The following EYS variants were observed in gnomAD, a reference collection of about 807,000 sequenced individuals.
The protein encoded by EYS is EGF-like photoreceptor maintenance factor.
Under a neutral mutation model 282.1 loss-of-function variants are expected in EYS, and 250 were observed. The observed-to-expected ratio is 0.89, with a 90% confidence interval of 0.80 to 0.98. The LOEUF is 0.98. Ranked by LOEUF, EYS falls within the 50% of genes least tolerant of loss-of-function variation. The pLI, the probability that EYS is intolerant of heterozygous loss-of-function variation, is 0.00. For missense variants in EYS, 4,016 were observed against 3,709.0 expected (o/e 1.08, Z -2.15); for synonymous variants, 1,355 against 1,282.9 (o/e 1.06, Z -1.20).
At position 64,820,907 on chromosome 6, in the gene EYS, G is replaced by A. The variant is rs941084115; in HGVS notation, c.3243+738C>T. On this transcript the variant is annotated intron_variant, in intron 21 of 42. Transcript: ENST00000503581. ...GTATAGCTATGTTTTACTGACGAGGGAGAGAGACACAAAGAATGTAATAAA... is the reference window on the plus strand; with the variant it reads ...GTATAGCTATGTTTTACTGACGAGGAAGAGAGACACAAAGAATGTAATAAA... 4.6e-5 allele frequency among the ~76,000 whole-genome samples: 7 copies of A among 151,942 alleles called. No homozygotes were observed. The East Asian group carries it at 1.4e-3, about 29-fold the overall frequency.
Position 64,857,538 on chromosome 6 carries a change from G to A in EYS, c.2992+29159C>T, listed in dbSNP as rs115651317. On this transcript the variant is annotated intron_variant, in intron 19 of 42. Coordinates refer to ENST00000503581, the MANE Select transcript of EYS (RefSeq NM_001142800.2). ...AAGACTTAGGTTGAGTCCATATTTT[G>A]TCTATCATGAATAATGCTGAAATGA... 5.1e-4 allele frequency among the ~76,000 whole-genome samples: 77 copies of A among 152,210 alleles called. 1 individual carries two copies. Among genetic ancestry groups the A allele is most frequent in the African/African-American group, 1.8e-3 (74 of 41,548 alleles).
rs528440280 is a variant in EYS, at chr6:65,477,051, A to T, written c.862+13543T>A. On this transcript the variant is annotated intron_variant, in intron 5 of 42. Coordinates refer to ENST00000503581, the MANE Select transcript of EYS (RefSeq NM_001142800.2). ...ATGATGACACTTTAATAATTATGGT[A>T]TTGTGCTTTTATAGCCAGCTTCTAA... 2.6e-4 allele frequency among the ~76,000 whole-genome samples: 40 copies of T among 152,316 alleles called. No individual in the cohort carries two copies. The East Asian group carries it at 7.7e-3, about 29-fold the overall frequency.
chr6:64,403,082 T>C (rs1773589475), intron 28 of EYS, among the ~76,000 whole-genome samples: 2 of 152,076 alleles, frequency 1.3e-5, no homozygotes, highest in African/African-American at 4.8e-5. Context: ...AATACTAAGA[T>C]CATTGAAAAT....
chr6:65,425,864 T>C (rs760293125), intron 5 of EYS, among the ~76,000 whole-genome samples: 8 of 152,086 alleles, frequency 5.3e-5, no homozygotes, highest in Non-Finnish European at 1.0e-4. Flanking sequence ...TCTCTAGAAG[T>C]GATGGCAGAA....
At chr6:63,875,862 T>C (rs971160397) in intron 35 of EYS, among the ~76,000 whole-genome samples, 10 of 152,170 alleles carry the variant, frequency 6.6e-5, no homozygotes, top group African/African-American at 2.4e-4. Flanking sequence ...TCTTCTCTCT[T>C]TTCTTCTTTG....
chr6:63,864,485 AC>A (rs1772624229), intron 35 of EYS, 127 bp from the exon 36 acceptor site: 1 of 531,734 alleles, frequency 1.9e-6, no homozygotes, highest in Non-Finnish European at 2.7e-6. Context: ...CTAATAAGTG[AC>A]TTTTTTCTCC....
rs144800801 is a variant in EYS, at chr6:65,005,183, C to G, written c.2138-7480G>C. Among the ~76,000 whole-genome samples the G allele has an allele frequency of 1.3e-3, 197 of 147,962 alleles. 5 individuals carry two copies. The highest frequency in any genetic ancestry group is 4.6e-3 in the African/African-American group (189 of 41,282). On this transcript the variant is annotated intron_variant, in intron 13 of 42. Transcript: ENST00000503581. The stretch of plus-strand genomic sequence containing the variant: ...ATCCCTTGAGATCTGGCAGGATGTC[C>G]GCTGTGCTCCTGATCCAGCGAGGCG...
chr6:64,286,363 G>C (rs1424979776), intron 30 of EYS, among the ~76,000 whole-genome samples: 1 of 152,076 alleles, frequency 6.6e-6, no homozygotes, highest in East Asian at 1.9e-4. Flanking sequence ...TTAATACAAT[G>C]GTACCTGGTT....
chr6:65,437,522 G>C (rs945708289), intron 5 of EYS, among the ~76,000 whole-genome samples: 2 of 152,102 alleles, frequency 1.3e-5, no homozygotes, highest in Admixed American at 6.6e-5. Context: ...TACTAATTTA[G>C]ATTGGTTACC....
In EYS at chr6:65,629,807, C is replaced by G. The variant is rs1228841923; in HGVS notation, c.-333+9971G>C. Among the ~76,000 whole-genome samples the G allele has an allele frequency of 2.6e-5, 4 of 152,194 alleles. No homozygotes were observed. In the South Asian group the frequency reaches 8.3e-4, roughly 32 times the overall value. The stretch of plus-strand genomic sequence containing the variant: ...TGTGCATAGGGCAATGGGCAATGAA[C>G]CTTTTGAGGCTATAATTCCACTAAG... On this transcript the variant is annotated intron_variant, in intron 2 of 42. Coordinates refer to ENST00000503581, the MANE Select transcript of EYS (RefSeq NM_001142800.2).
intron 36 of EYS, among the ~76,000 whole-genome samples, chr6:63,841,053 G>A (rs1771943561): frequency 1.3e-5 from 2 of 152,076 alleles, no homozygotes; most frequent in South Asian, 4.1e-4. Flanking sequence ...GAAATATAAA[G>A]CATGTTAATG....
At chr6:64,199,872 G>C (rs982084090) in intron 31 of EYS, among the ~76,000 whole-genome samples, 1 of 152,124 alleles carries the variant, frequency 6.6e-6, no homozygotes, top group Non-Finnish European at 1.5e-5. Context: ...ACACAAAATT[G>C]CACCTGAATG....
chr6:64,726,491 T>C (rs749780357), intron 22 of EYS, among the ~76,000 whole-genome samples: 1 of 152,112 alleles, frequency 6.6e-6, no homozygotes, highest in African/African-American at 2.4e-5. Flanking sequence ...TAACTATAGA[T>C]AGATATTATA....
intron 7 of EYS, among the ~76,000 whole-genome samples, chr6:65,398,159 C>G (rs1192401035): frequency 1.3e-5 from 2 of 151,868 alleles, no homozygotes; most frequent in African/African-American, 2.4e-5. Flanking sequence ...GAATACTAGC[C>G]TTTTGATGTA....
At chr6:64,824,067 G>C (rs1183086342) in intron 19 of EYS, among the ~76,000 whole-genome samples, 1 of 151,864 alleles carries the variant, frequency 6.6e-6, no homozygotes, top group East Asian at 1.9e-4. Flanking sequence ...CATGACTAGA[G>C]TGAGTTACAG....
At chr6:64,844,250 T>C (rs771888048) in intron 19 of EYS, among the ~76,000 whole-genome samples, 7 of 152,134 alleles carry the variant, frequency 4.6e-5, no homozygotes, top group Non-Finnish European at 8.8e-5. Flanking sequence ...ATTTTGTGTA[T>C]ATCGTCGTTC....
intron 33 of EYS, among the ~76,000 whole-genome samples, chr6:64,044,466 G>C (rs181307250): frequency 6.6e-6 from 1 of 152,322 alleles, no homozygotes; most frequent in East Asian, 1.9e-4. Context: ...GAGCACTTCA[G>C]GTGGAACGTA....
intron 26 of EYS, among the ~76,000 whole-genome samples, chr6:64,448,305 G>A (rs145739204): frequency 0.01 from 1,529 of 152,344 alleles, 23 homozygotes; most frequent in African/African-American, 0.034. Flanking sequence ...AGTGAGCCTG[G>A]GGGAGGGGCG....
At chr6:65,048,640 TA>T (rs1773176197) in intron 13 of EYS, among the ~76,000 whole-genome samples, 1 of 151,890 alleles carries the variant, frequency 6.6e-6, no homozygotes, top group African/African-American at 2.4e-5. Flanking sequence ...TAGGATTATT[TA>T]AAGGAAACCT....
Sources: allele counts gnomAD v4.1 joint callset (sites outside exome capture counted in the v4.1 genomes callset), GRCh38; gene constraint gnomAD v4.1.1; transcripts MANE v1.5; gene names NCBI Gene and HGNC (gene_info 2026-07-23, HGNC 2026-07-21).